C1orf21: variants seen among roughly 807,000 people sequenced by gnomAD.
C1orf21 encodes the protein chromosome 1 open reading frame 21.
C1orf21 carries 3 observed loss-of-function variants against 18.7 expected under a neutral mutation model. The observed-to-expected ratio is 0.16, with a 90% CI of 0.07 to 0.42. The LOEUF (loss-of-function observed/expected upper bound fraction) is 0.42. Ranked by LOEUF, C1orf21 falls within the 10% of genes least tolerant of loss-of-function variation. The pLI, the probability that C1orf21 is intolerant of heterozygous loss-of-function variation, is 0.99. For missense variants in C1orf21, 104 were observed against 143.6 expected (o/e 0.72, Z 1.41); for synonymous variants, 41 against 46.4 (o/e 0.88, Z 0.47).
At chr1:184,591,234 C>T (rs911005781) in intron 4 of C1orf21, among the ~76,000 whole-genome samples, 3 of 152,086 alleles carry the variant, frequency 2.0e-5, no homozygotes, top group African/African-American at 7.2e-5. Flanking sequence ...ATTTTGCCTA[C>T]CAGATAATCA....
At chr1:184,576,131 CTT>C (rs200624324) in intron 3 of C1orf21, among the ~76,000 whole-genome samples, 2 of 144,522 alleles carry the variant, frequency 1.4e-5, no homozygotes, top group African/African-American at 2.5e-5. Context: ...CTTTTTTTTT[CTT>C]TTTTTTTTTG....
rs550360617 is a variant in C1orf21, at chr1:184,566,478, A to G, written c.190-24261A>G. On this transcript the variant is annotated intron_variant, in intron 3 of 5. Coordinates refer to ENST00000235307, the MANE Select transcript of C1orf21 (RefSeq NM_030806.4). Reference sequence around the variant, plus strand: ...TATATGAACTTGTTGTTCTCACCTCAACCCTGAGAGGTGGATTTCAGTGTG... The same window carrying G: ...TATATGAACTTGTTGTTCTCACCTCGACCCTGAGAGGTGGATTTCAGTGTG... 1.7e-4 allele frequency: 47 copies of G among 272,246 alleles called. 1 individual carries two copies. The highest frequency in any genetic ancestry group is 9.2e-4 in the African/African-American group (41 of 44,558). The allele number at this position is 272,246 out of a possible 1,614,324, so 16.9% of individuals were successfully genotyped here.
intron 2 of C1orf21, among the ~76,000 whole-genome samples, chr1:184,489,000 AC>A (rs1305640581): frequency 1.3e-5 from 2 of 152,166 alleles, no homozygotes. Context: ...TAAAAGTACT[AC>A]AAAAAACGCA....
chr1:184,454,160 C>G (rs1346793737), intron 1 of C1orf21, among the ~76,000 whole-genome samples: 4 of 152,102 alleles, frequency 2.6e-5, no homozygotes, highest in Non-Finnish European at 5.9e-5. Context: ...GTTACTGAAA[C>G]TGAGAATCAA....
chr1:184,437,184 G>C (rs1006912720), intron 1 of C1orf21, among the ~76,000 whole-genome samples: 1 of 151,968 alleles, frequency 6.6e-6, no homozygotes, highest in Non-Finnish European at 1.5e-5. Context: ...CCCTCTCTCT[G>C]TCTCCCTCTC....
rs1337134122 is a variant in C1orf21 at position 184,619,606 on chromosome 1, C to T, written c.*50C>T. On this transcript the variant is annotated 3_prime_UTR_variant, in exon 6 of 6. Coordinates refer to ENST00000235307, the MANE Select transcript of C1orf21 (RefSeq NM_030806.4). ...GAGCTACTACTGTGTAAATAGGTTA[C>T]ACCCCAGTTGAAATCTTTGCAAAGG... 3 of 1,565,528 alleles carry T rather than the reference C, an allele frequency of 1.9e-6. No individual in the cohort carries two copies. The highest frequency in any genetic ancestry group is 1.4e-5 in the African/African-American group (1 of 73,260).
At chr1:184,569,075 A>C (rs1437858472) in intron 3 of C1orf21, among the ~76,000 whole-genome samples, 1 of 152,220 alleles carries the variant, frequency 6.6e-6, no homozygotes. Context: ...AAGCCAAGGC[A>C]TTGGGATAAG....
intron 3 of C1orf21, among the ~76,000 whole-genome samples, chr1:184,519,991 A>G (rs572091323): frequency 6.6e-6 from 1 of 152,306 alleles, no homozygotes; most frequent in Admixed American, 6.5e-5. Context: ...AAAATTTCAT[A>G]CATCTTCCTT....
intron 1 of C1orf21, among the ~76,000 whole-genome samples, chr1:184,424,943 A>G (rs541822269): frequency 3.3e-5 from 5 of 152,336 alleles, no homozygotes; most frequent in African/African-American, 1.2e-4. Flanking sequence ...AGCCCTGTAT[A>G]CCTTGAATGG....
intron 3 of C1orf21, among the ~76,000 whole-genome samples, chr1:184,540,711 G>A (rs765199017): frequency 2.6e-5 from 4 of 152,130 alleles, no homozygotes; most frequent in Admixed American, 1.3e-4. Context: ...GATTACAGGC[G>A]TGAGCCACCG....
At chr1:184,590,707 G>T (rs550345064) in intron 3 of C1orf21, 32 bp from the exon 4 acceptor site, 49 of 1,572,802 alleles carry the variant, frequency 3.1e-5, no homozygotes, top group African/African-American at 3.1e-4. Context: ...TTCTAATCCT[G>T]TCTTTCACAT....
At position 184,621,168 on chromosome 1, in the gene C1orf21, G is replaced by A. The variant is rs981809097; in HGVS notation, c.*1612G>A. 5.9e-5 allele frequency: 9 copies of A among 152,466 alleles called. No homozygotes were observed. The highest frequency in any genetic ancestry group is 1.0e-4 in the Non-Finnish European group (7 of 68,038). The allele number at this position is 152,466 out of a possible 1,614,324, so 9.4% of individuals were successfully genotyped here. On this transcript the variant is annotated 3_prime_UTR_variant, in exon 6 of 6. Coordinates refer to ENST00000235307, the MANE Select transcript of C1orf21 (RefSeq NM_030806.4). Reference sequence around the variant, plus strand: ...TCCACATCCAACTGATGGCACCATTGATGTGCAAATAATGAGATTCCCTAT... The same window carrying A: ...TCCACATCCAACTGATGGCACCATTAATGTGCAAATAATGAGATTCCCTAT...
intron 3 of C1orf21, chr1:184,568,370 T>G: frequency 2.3e-6 from 1 of 441,562 alleles, no homozygotes; most frequent in Non-Finnish European, 4.6e-6. Context: ...CATTAAACAC[T>G]AACTCCTCCT....
At chr1:184,510,899 A>G (rs1280033124) in intron 3 of C1orf21, among the ~76,000 whole-genome samples, 1 of 152,192 alleles carries the variant, frequency 6.6e-6, no homozygotes, top group Non-Finnish European at 1.5e-5. Context: ...TAATTTTTTC[A>G]AGAGGTAGTA....
intron 3 of C1orf21, among the ~76,000 whole-genome samples, chr1:184,529,347 T>C (rs1169935434): frequency 6.6e-6 from 1 of 152,158 alleles, no homozygotes; most frequent in African/African-American, 2.4e-5. Flanking sequence ...AGGGGAGATA[T>C]TTGAGCAAAT....
intron 3 of C1orf21, among the ~76,000 whole-genome samples, chr1:184,508,443 A>G (rs1010374859): frequency 6.6e-6 from 1 of 152,140 alleles, no homozygotes; most frequent in African/African-American, 2.4e-5. Flanking sequence ...TTCATAACTG[A>G]GTTAAAAAGG....
chr1:184,503,202 A>G (rs1309872798), intron 2 of C1orf21, among the ~76,000 whole-genome samples: 2 of 152,068 alleles, frequency 1.3e-5, no homozygotes, highest in African/African-American at 2.4e-5. Flanking sequence ...AAGTGTACCA[A>G]AGCTTCTTGT....
intron 1 of C1orf21, among the ~76,000 whole-genome samples, chr1:184,441,737 G>A (rs1021919826): frequency 6.6e-6 from 1 of 152,164 alleles, no homozygotes; most frequent in Admixed American, 6.5e-5. Flanking sequence ...TAAATTGATT[G>A]AAAATTTATT....
intron 1 of C1orf21, among the ~76,000 whole-genome samples, chr1:184,464,932 C>CCT (rs368473718): frequency 2.0e-5 from 3 of 151,368 alleles, no homozygotes; most frequent in East Asian, 1.9e-4. Context: ...TCTCTCTCCG[C>CCT]CTCTCTCTCT....
Sources: gnomAD v4.1 joint callset for allele counts (sites outside exome capture counted in the v4.1 genomes callset) on GRCh38, gnomAD v4.1.1 for gene constraint, MANE v1.5 for transcripts, NCBI Gene and HGNC (gene_info 2026-07-23, HGNC 2026-07-21) for gene names.